Variants in MTHFS observed in about 807,000 individuals in gnomAD.
The protein encoded by MTHFS is methenyltetrahydrofolate synthetase, also known as 5-formyltetrahydrofolate cyclo-ligase.
In MTHFS, 7 loss-of-function variants were observed where a neutral mutation model predicts 12.7. That is an observed-to-expected ratio of 0.55 (90% CI 0.31 to 1.03). The LOEUF (loss-of-function observed/expected upper bound fraction) is 1.03, where lower values mean the gene tolerates loss of function less well. Ranked by LOEUF, MTHFS falls within the 50% of genes least tolerant of loss-of-function variation. The pLI, the probability that MTHFS is intolerant of heterozygous loss-of-function variation, is 0.05. For missense variants in MTHFS, 252 were observed against 258.1 expected (o/e 0.98, Z 0.16); for synonymous variants, 100 against 97.1 (o/e 1.03, Z -0.18).
At chr15:79,893,559 G>A (rs1336056408) in intron 1 of MTHFS, among the ~76,000 whole-genome samples, 8 of 151,866 alleles carry the variant, frequency 5.3e-5, no homozygotes, top group Non-Finnish European at 8.8e-5. Context: ...TTAGTCGGGC[G>A]TGGTGGCGGG....
At chr15:79,878,898 A>G (rs987746191) in intron 2 of MTHFS, among the ~76,000 whole-genome samples, 1 of 151,270 alleles carries the variant, frequency 6.6e-6, no homozygotes, top group Non-Finnish European at 1.5e-5. Context: ...TTCCTGCCTC[A>G]ATATGACAAT....
At position 79,893,555 on chromosome 15, in the gene MTHFS, G is replaced by A. The variant is rs545971544; in HGVS notation, c.117+3317C>T. Among the ~76,000 whole-genome samples the A allele has an allele frequency of 5.5e-4, 83 of 150,726 alleles. No homozygotes were observed. In the South Asian group the frequency reaches 0.014, roughly 25 times the overall value. Reference sequence around the variant, plus strand: ...CTACTAAAAATACAAAAAATTAGTCGGGCGTGGTGGCGGGCGCCTGTAGTC... The same window carrying A: ...CTACTAAAAATACAAAAAATTAGTCAGGCGTGGTGGCGGGCGCCTGTAGTC... On this transcript the variant is annotated intron_variant, in intron 1 of 2. Transcript: ENST00000258874.
Position 79,843,670 on chromosome 15 carries a change from C to A in MTHFS, c.*1540G>T, listed in dbSNP as rs530806238. The A allele has an allele frequency of 3.3e-5, 5 of 152,302 alleles. No individual in the cohort carries two copies. The highest frequency in any genetic ancestry group is 5.9e-5 in the Non-Finnish European group (4 of 68,020). 9.4% of individuals were successfully genotyped at this position (152,302 alleles called of 1,614,324 possible). A position where few individuals can be genotyped will look rare whatever the true frequency, so the allele number is the denominator to read the frequency against. On this transcript the variant is annotated 3_prime_UTR_variant, in exon 3 of 3. Coordinates refer to ENST00000258874, the MANE Select transcript of MTHFS (RefSeq NM_006441.4). ...TATTCAATTATTTCATTAAAAAATT[C>A]TCTCTCTCACACACACACTATATGT...
chr15:79,869,962 A>G (rs975549956), intron 2 of MTHFS, among the ~76,000 whole-genome samples: 2 of 152,190 alleles, frequency 1.3e-5, no homozygotes, highest in African/African-American at 2.4e-5. Flanking sequence ...AAACAGAGGA[A>G]AGAAGGGATT....
chr15:79,850,954 T>C (rs1230112070), intron 2 of MTHFS, among the ~76,000 whole-genome samples: 2 of 152,282 alleles, frequency 1.3e-5, no homozygotes, highest in Admixed American at 6.5e-5. Context: ...CCTCCTAAGA[T>C]GTCCTGAACT....
chr15:79,864,547 C>CAAAAAAAAAAAAAAAAA (rs58698908), intron 2 of MTHFS, among the ~76,000 whole-genome samples: 9 of 64,538 alleles, frequency 1.4e-4, no homozygotes, highest in African/African-American at 6.7e-4. Context: ...TCCATCTCAA[C>CAAAAAAAAAAAAAAAAA]AAAAAAAAAA....
chr15:79,890,610 A>C (rs2034458226), intron 1 of MTHFS, among the ~76,000 whole-genome samples: 2 of 152,162 alleles, frequency 1.3e-5, no homozygotes, highest in African/African-American at 4.8e-5. Flanking sequence ...TATTCTTTAT[A>C]AGACTTTTTA....
intron 2 of MTHFS, among the ~76,000 whole-genome samples, chr15:79,846,897 C>T (rs2033625737): frequency 6.6e-6 from 1 of 152,216 alleles, no homozygotes; most frequent in South Asian, 2.1e-4. Context: ...GGATTCCTGC[C>T]TCTTTACAGT....
chr15:79,892,018 T>C lies in MTHFS; in HGVS notation c.118-2664A>G, dbSNP rs577068484. Among the ~76,000 whole-genome samples the C allele has an allele frequency of 1.4e-4, 21 of 149,222 alleles. No homozygotes were observed. In the East Asian group the frequency reaches 4.1e-3, roughly 29 times the overall value. ...AAAAAGAAAAACACGAGTCTCCATA[T>C]TGAATGGGGGCCATGGGTGCTGAGC... On this transcript the variant is annotated intron_variant, in intron 1 of 2. Coordinates refer to ENST00000258874, the MANE Select transcript of MTHFS (RefSeq NM_006441.4).
chr15:79,889,382 T>G, intron 1 of MTHFS, 28 bp from the exon 2 acceptor site: 1 of 1,602,268 alleles, frequency 6.2e-7, no homozygotes, highest in Non-Finnish European at 8.5e-7. Flanking sequence ...GCAATTATAT[T>G]TTCCAAGACT....
intron 2 of MTHFS, among the ~76,000 whole-genome samples, chr15:79,858,901 C>T (rs2033858637): frequency 6.6e-6 from 1 of 152,172 alleles, no homozygotes; most frequent in Non-Finnish European, 1.5e-5. Flanking sequence ...GGCCTATGCT[C>T]CTACGCTTTC....
intron 1 of MTHFS, among the ~76,000 whole-genome samples, chr15:79,892,611 T>TTG (rs2141380110): frequency 6.6e-6 from 1 of 152,314 alleles, no homozygotes; most frequent in East Asian, 1.9e-4. Context: ...ATGTCTTTTC[T>TTG]TACATATTCA....
chr15:79,854,852 C>T (rs972655257), intron 2 of MTHFS, among the ~76,000 whole-genome samples: 2 of 152,126 alleles, frequency 1.3e-5, no homozygotes, highest in Non-Finnish European at 2.9e-5. Flanking sequence ...TCAACATCAT[C>T]ATCACCATCA....
At position 79,861,738 on chromosome 15, in the gene MTHFS, C is replaced by T. The variant is rs376257094; in HGVS notation, c.380-16296G>A. Among the ~76,000 whole-genome samples the T allele has an allele frequency of 3.9e-5, 6 of 152,270 alleles. No individual in the cohort carries two copies. In the East Asian group the frequency reaches 9.6e-4, roughly 24 times the overall value. ...TTAAATAACTTAGAGCACATCAATG[C>T]TATGTAACCACTTAAAACACTATGC... On this transcript the variant is annotated intron_variant, in intron 2 of 2. Transcript: ENST00000258874.
chr15:79,872,392 T>C (rs751374710), intron 2 of MTHFS, among the ~76,000 whole-genome samples: 3 of 152,132 alleles, frequency 2.0e-5, no homozygotes, highest in Admixed American at 1.3e-4. Flanking sequence ...GGAAATGTCA[T>C]GTGAGTGATG....
chr15:79,844,366 C>A lies in MTHFS; in HGVS notation c.*844G>T, dbSNP rs1009239648. Reference sequence around the variant, plus strand: ...ATAGATTTAAGAGGCATTTCAGAGGCAAAATCAACAAGACCTGGTGACAGG... The same window carrying A: ...ATAGATTTAAGAGGCATTTCAGAGGAAAAATCAACAAGACCTGGTGACAGG... On this transcript the variant is annotated 3_prime_UTR_variant, in exon 3 of 3. Transcript: ENST00000258874. The A allele has an allele frequency of 2.6e-5, 4 of 152,248 alleles. No homozygotes were observed. The highest frequency in any genetic ancestry group is 5.9e-5 in the Non-Finnish European group (4 of 68,016). The allele number at this position is 152,248 out of a possible 1,614,324, so 9.4% of individuals were successfully genotyped here.
At chr15:79,852,594 C>T (rs1429514221) in intron 2 of MTHFS, among the ~76,000 whole-genome samples, 1 of 152,162 alleles carries the variant, frequency 6.6e-6, no homozygotes, top group Non-Finnish European at 1.5e-5. Flanking sequence ...GACATGACCA[C>T]CATAATTGAT....
intron 2 of MTHFS, among the ~76,000 whole-genome samples, chr15:79,855,418 T>G (rs1438569975): frequency 6.6e-6 from 1 of 152,142 alleles, no homozygotes; most frequent in Non-Finnish European, 1.5e-5. Flanking sequence ...GAGAAGACAT[T>G]AGAACTTCCT....
At chr15:79,865,585 C>T (rs2064013778) in intron 2 of MTHFS, among the ~76,000 whole-genome samples, 2 of 152,108 alleles carry the variant, frequency 1.3e-5, no homozygotes, top group Admixed American at 6.5e-5. Context: ...AAATCTTGAC[C>T]CTTCTTGGGC....
Sources: gnomAD v4.1 joint callset for allele counts (sites outside exome capture counted in the v4.1 genomes callset) on GRCh38, gnomAD v4.1.1 for gene constraint, MANE v1.5 for transcripts, NCBI Gene and HGNC (gene_info 2026-07-23, HGNC 2026-07-21) for gene names.